HERC2: variants seen among roughly 807,000 people sequenced by gnomAD.
HERC2 encodes the protein HECT and RLD domain containing E3 ubiquitin protein ligase 2.
In HERC2, 102 loss-of-function variants were observed where a neutral mutation model predicts 537.7. The ratio of observed to expected loss-of-function variants is 0.19; its 90% CI spans 0.16 to 0.22. HERC2 has a LOEUF of 0.22. Ranked by LOEUF, HERC2 falls within the 10% of genes least tolerant of loss-of-function variation. The pLI is 1.00. For synonymous variants in HERC2, 2,224 were observed against 2,466.2 expected, an observed-to-expected ratio of 0.90 and a Z score of 2.91; for missense variants, 4,236 against 6,198.2, an observed-to-expected ratio of 0.68 and a Z score of 10.63.
chr15:28,318,053 T>G (rs185078913), intron 2 of HERC2, among the ~76,000 whole-genome samples: 199 of 152,300 alleles, frequency 1.3e-3, no homozygotes, highest in African/African-American at 4.7e-3. Flanking sequence ...GGACTTATGC[T>G]CAAAGACATG....
intron 35 of HERC2, 31 bp downstream of exon 35, chr15:28,228,187 C>G: frequency 6.3e-7 from 1 of 1,592,206 alleles, no homozygotes; most frequent in Non-Finnish European, 8.6e-7. Context: ...TTGACATTTT[C>G]CCAAAGGCGC....
chr15:28,282,536 A>T (rs535065576), intron 4 of HERC2, among the ~76,000 whole-genome samples: 2 of 152,228 alleles, frequency 1.3e-5, no homozygotes, highest in Non-Finnish European at 2.9e-5. Context: ...TAACCAAAAT[A>T]AAAAGCTCAG....
chr15:28,238,073 C>T (rs1447149059), intron 25 of HERC2, 41 bp downstream of exon 25: 1 of 1,097,420 alleles, frequency 9.1e-7, no homozygotes, highest in East Asian at 2.3e-5. Flanking sequence ...CAGAGGGTAT[C>T]CCCTGCCATC....
intron 15 of HERC2, among the ~76,000 whole-genome samples, chr15:28,261,278 T>C (rs1049020382): frequency 2.0e-5 from 3 of 152,152 alleles, no homozygotes; most frequent in Non-Finnish European, 4.4e-5. Context: ...TGCTTTTAAT[T>C]AACTATTAGA....
At chr15:28,128,829 G>A (rs2142138918) in intron 83 of HERC2, among the ~76,000 whole-genome samples, 1 of 152,262 alleles carries the variant, frequency 6.6e-6, no homozygotes, top group Non-Finnish European at 1.5e-5. Context: ...TCAGTTCTCT[G>A]TGGGACTGAG....
At position 28,201,535 on chromosome 15, in the gene HERC2, G is replaced by A. The variant is rs138887223; in HGVS notation, c.7637C>T (p.Thr2546Met). ...TCGTTTTTTGTACGTCTGGCTCTCC[G>A]TCACAACAGCACCAGTAGACTGCAA... ...AYSMSTGAVV[T>M]ESQTYKKRAD... Residue 2546 changes from threonine to methionine, a missense_variant, in exon 48 of 93, where the codon ACG becomes ATG. Coordinates refer to ENST00000261609, the MANE Select transcript of HERC2 (RefSeq NM_004667.6). The A allele has an allele frequency of 1.8e-4, 287 of 1,611,888 alleles. 1 individual carries two copies. Among genetic ancestry groups the A allele is most frequent in the Non-Finnish European group, 2.3e-4 (269 of 1,178,218 alleles).
chr15:28,261,218 T>C (rs1567085709), intron 15 of HERC2, among the ~76,000 whole-genome samples: 1 of 152,176 alleles, frequency 6.6e-6, no homozygotes, highest in African/African-American at 2.4e-5. Flanking sequence ...AAAAAGGATC[T>C]GTTTTTTTTT....
At chr15:28,212,345 G>A in intron 43 of HERC2, 100 bp downstream of exon 43, 1 of 751,464 alleles carries the variant, frequency 1.3e-6, no homozygotes, top group South Asian at 1.6e-5. Context: ...GTGAACCCCA[G>A]GACTTTAGTA....
At position 28,211,828 on chromosome 15, in the gene HERC2, C is replaced by T. The variant is rs1374743508; in HGVS notation, c.6925+617G>A. 5.3e-5 allele frequency among the ~76,000 whole-genome samples: 8 copies of T among 152,278 alleles called. No homozygotes were observed. The South Asian group carries it at 6.2e-4, about 12-fold the overall frequency. On this transcript the variant is annotated intron_variant, in intron 43 of 92. Transcript: ENST00000261609. ...AAATGCTGAAGCAGCAATCGTAGGT[C>T]TGTGGGAGCAAGAGGGGAGAAAACT...
intron 2 of HERC2, among the ~76,000 whole-genome samples, chr15:28,317,235 C>T (rs1462334211): frequency 5.3e-5 from 8 of 152,126 alleles, no homozygotes; most frequent in African/African-American, 1.7e-4. Flanking sequence ...GGATTACAAG[C>T]GCACACTACC....
chr15:28,194,036 C>T (rs1015995477), intron 52 of HERC2, among the ~76,000 whole-genome samples: 3 of 149,664 alleles, frequency 2.0e-5, no homozygotes, highest in African/African-American at 4.9e-5. Context: ...AAAATCATCA[C>T]ATGCCCCACA....
chr15:28,115,621 C>T (rs915559565), intron 88 of HERC2, 80 bp from the exon 89 acceptor site: 4 of 937,638 alleles, frequency 4.3e-6, no homozygotes, highest in African/African-American at 1.6e-5. Flanking sequence ...ACGCCACTGA[C>T]AGCAGCTCCA....
At chr15:28,254,627 G>T in intron 19 of HERC2, 109 bp from the exon 20 acceptor site, 1 of 660,926 alleles carries the variant, frequency 1.5e-6, no homozygotes, top group Non-Finnish European at 2.5e-6. Context: ...AGCCTCTGTG[G>T]CTAATGCACA....
In HERC2 at chr15:28,268,759, C is replaced by A; in HGVS notation, c.1447-143G>T. 1 of 688,026 alleles carries A rather than the reference C, an allele frequency of 1.5e-6. No homozygotes were observed. The highest frequency in any genetic ancestry group is 1.8e-5 in the African/African-American group (1 of 55,684). 42.6% of individuals were successfully genotyped at this position (688,026 alleles called of 1,614,324 possible). On this transcript the variant is annotated intron_variant, in intron 11 of 92. Transcript: ENST00000261609. The surrounding 1 kb of genome is among the most constrained non-coding windows in gnomAD (Gnocchi z 4.7). ...AAGTCTCTGGGAACTACGGGGCCGG[C>A]TCTCCAGCCCTTCCCACCCAGCAGC...
chr15:28,131,118 T>C (rs1266478597), intron 81 of HERC2, among the ~76,000 whole-genome samples: 1 of 152,236 alleles, frequency 6.6e-6, no homozygotes, highest in Non-Finnish European at 1.5e-5. Flanking sequence ...CTCTCATATG[T>C]AAGTTCTTAT....
chr15:28,273,746 T>G (rs1343195271), intron 7 of HERC2, among the ~76,000 whole-genome samples: 1 of 152,248 alleles, frequency 6.6e-6, no homozygotes, highest in Non-Finnish European at 1.5e-5. Flanking sequence ...CCTCTGCATC[T>G]GTCCTTCCTG....
Position 28,212,436 on chromosome 15 carries a change from T to A in HERC2, c.6925+9A>T. On this transcript the variant is annotated intron_variant, in intron 43 of 92. Coordinates refer to ENST00000261609, the MANE Select transcript of HERC2 (RefSeq NM_004667.6). The stretch of plus-strand genomic sequence containing the variant: ...GCAGCTATTTCATCAAGAAGCACCA[T>A]GTACTGACCTGCAAAGGCCTGTTTA... 2 of 1,610,754 alleles carry A rather than the reference T, an allele frequency of 1.2e-6. No individual in the cohort carries two copies. The highest frequency in any genetic ancestry group is 1.7e-6 in the Non-Finnish European group (2 of 1,179,046).
At chr15:28,175,147 T>C (rs1281841340) in intron 64 of HERC2, among the ~76,000 whole-genome samples, 1 of 151,962 alleles carries the variant, frequency 6.6e-6, no homozygotes. Flanking sequence ...TGTCAGGCAC[T>C]AGCTCTGTCT....
intron 69 of HERC2, among the ~76,000 whole-genome samples, chr15:28,162,341 A>G (rs1265530260): frequency 2.0e-5 from 3 of 152,224 alleles, no homozygotes; most frequent in African/African-American, 7.2e-5. Flanking sequence ...ACCTTAGACG[A>G]AAACTTGGAA....
Sources: allele counts gnomAD v4.1 joint callset (sites outside exome capture counted in the v4.1 genomes callset), GRCh38; gene constraint gnomAD v4.1.1; non-coding constraint Gnocchi (gnomAD v3.1); transcripts MANE v1.5; gene names NCBI Gene and HGNC (gene_info 2026-07-23, HGNC 2026-07-21).